SP110: variants seen among roughly 807,000 people sequenced by gnomAD.
The protein encoded by SP110 is interferon-induced protein 41, 30kD.
Under a neutral mutation model 92.7 loss-of-function variants are expected in SP110, and 62 were observed. The ratio of observed to expected loss-of-function variants is 0.67; its 90% CI spans 0.55 to 0.83. The LOEUF (loss-of-function observed/expected upper bound fraction) is 0.83. Among genes scored for constraint, SP110 ranks in the 40% least tolerant of loss-of-function variants. The probability of loss-of-function intolerance (pLI) is 0.00; values close to 1 mark genes in which losing one functional copy is unlikely to be tolerated. For synonymous variants in SP110, 273 were observed against 305.3 expected (o/e 0.89, Z 1.10); for missense variants, 793 against 863.9 (o/e 0.92, Z 1.03).
chr2:230,203,766 TTTG>T (rs1158506447), intron 8 of SP110: 5 of 152,242 alleles, frequency 3.3e-5, no homozygotes, highest in African/African-American at 1.2e-4. Flanking sequence ...TGTGTTTTGT[TTTG>T]TAAAAAATAA....
At chr2:230,172,301 G>T in intron 15 of SP110, 127 bp from the exon 16 acceptor site, 1 of 747,512 alleles carries the variant, frequency 1.3e-6, no homozygotes. Context: ...CTCCCAGAGT[G>T]TCCAAGATCC....
At chr2:230,188,657 C>T (rs1012420872) in intron 10 of SP110, among the ~76,000 whole-genome samples, 1 of 152,050 alleles carries the variant, frequency 6.6e-6, no homozygotes, top group Non-Finnish European at 1.5e-5. Context: ...TTGAGGTAAG[C>T]CCCTTCTATG....
chr2:230,205,820 G>A (rs900147560), intron 8 of SP110, among the ~76,000 whole-genome samples: 2 of 152,200 alleles, frequency 1.3e-5, no homozygotes, highest in Non-Finnish European at 2.9e-5. Flanking sequence ...ACAAACCTGA[G>A]TTGAAGACGT....
At chr2:230,179,905 G>T (rs1276866250) in intron 12 of SP110, among the ~76,000 whole-genome samples, 1 of 152,132 alleles carries the variant, frequency 6.6e-6, no homozygotes, top group South Asian at 2.1e-4. Context: ...ATCAAGTGAG[G>T]TGGGGCCTTT....
intron 10 of SP110, among the ~76,000 whole-genome samples, chr2:230,191,827 C>CA (rs1016615349): frequency 9.2e-4 from 139 of 150,652 alleles, no homozygotes; most frequent in Middle Eastern, 3.4e-3. Context: ...AGAGACACAA[C>CA]AAAAAAAAAG....
Position 230,208,002 on chromosome 2 carries a change from C to G in SP110, c.887G>C (p.Ser296Thr). Residue 296 changes from serine to threonine, a missense_variant, in exon 8 of 19, where the codon AGC becomes ACC. By Grantham distance (58) the Ser-to-Thr change is moderately conservative. Transcript: ENST00000258381. ...STPKRRHKKK[S>T]LPGGTASSRH... Reference sequence around the variant, plus strand: ...TACTCTCATCTTACCTCCTGGGAGGCTTTTTTTCTTATGTCTCCTTTTTGG... The same window carrying G: ...TACTCTCATCTTACCTCCTGGGAGGGTTTTTTTCTTATGTCTCCTTTTTGG... 1 of 1,551,030 alleles carries G rather than the reference C, an allele frequency of 6.4e-7. No individual in the cohort carries two copies. Among genetic ancestry groups the G allele is most frequent in the Non-Finnish European group, 8.9e-7 (1 of 1,125,776 alleles).
Position 230,212,913 on chromosome 2 carries a change from G to C in SP110, c.431C>G (p.Pro144Arg). The change falls in exon 4 of 19, where the codon CCC (proline) becomes CGC (arginine). Residue 144 changes from proline to arginine, a missense_variant. Pro to Arg is a moderately radical substitution (Grantham distance 103). Transcript: ENST00000258381. ...HTPLALPPPQ[P>R]PQPSCSPCAP... ...ACAGGGTGAACAGCTTGGTTGAGGGGGTTGTGGTGGGGGCAGCGCCAGTGG... is the reference window on the plus strand; with the variant it reads ...ACAGGGTGAACAGCTTGGTTGAGGGCGTTGTGGTGGGGGCAGCGCCAGTGG... 1 of 1,614,086 alleles carries C rather than the reference G, an allele frequency of 6.2e-7. No homozygotes were observed. Among genetic ancestry groups the C allele is most frequent in the Non-Finnish European group, 8.5e-7 (1 of 1,180,008 alleles).
At chr2:230,209,902 G>A (rs772765909) in intron 7 of SP110, 29 bp downstream of exon 7, 1 of 1,352,334 alleles carries the variant, frequency 7.4e-7, no homozygotes, top group African/African-American at 1.4e-5. Context: ...TCACCCTTCT[G>A]ACCTCTACAG....
intron 6 of SP110, among the ~76,000 whole-genome samples, chr2:230,210,909 G>A (rs1434768142): frequency 5.9e-5 from 9 of 152,210 alleles, no homozygotes; most frequent in African/African-American, 1.9e-4. Flanking sequence ...AGGGTTGAAA[G>A]TGAAAATTCC....
At chr2:230,206,595 T>TTA (rs56817002) in intron 8 of SP110, among the ~76,000 whole-genome samples, 2,923 of 69,546 alleles carry the variant, frequency 0.042, 160 homozygotes, top group Non-Finnish European at 0.055. Flanking sequence ...GGTCCAGATT[T>TTA]TATATATATA....
chr2:230,202,432 T>G, intron 9 of SP110, 147 bp downstream of exon 9: 1 of 726,922 alleles, frequency 1.4e-6, no homozygotes. Context: ...CTTGCTCTCT[T>G]TGTTCCTCTT....
chr2:230,165,945 G>C lies in SP110; in HGVS notation c.*3179C>G, dbSNP rs2078305597. On this transcript the variant is annotated 3_prime_UTR_variant, in exon 19 of 19. Coordinates refer to ENST00000258381, the MANE Select transcript of SP110 (RefSeq NM_080424.4). The stretch of plus-strand genomic sequence containing the variant: ...GTCTTACTCTGTTGCCCAGGCTGGA[G>C]TGCAGTGGTGGGATCTCGGCTCACT... Among the ~76,000 whole-genome samples the C allele has an allele frequency of 6.7e-6, 1 of 149,104 alleles. No homozygotes were observed. The highest frequency in any genetic ancestry group is 6.7e-5 in the Admixed American group (1 of 14,926).
chr2:230,165,342 G>A lies in SP110; in HGVS notation c.*3782C>T, dbSNP rs1394321151. On this transcript the variant is annotated 3_prime_UTR_variant, in exon 19 of 19. Coordinates refer to ENST00000258381, the MANE Select transcript of SP110 (RefSeq NM_080424.4). The stretch of plus-strand genomic sequence containing the variant: ...ACACTTCAGTTGACTGAAAGGCAGA[G>A]CAAAAAGGAAGTATGGAGAAGTCGT... Among the ~76,000 whole-genome samples, 2 of 152,150 alleles carry A rather than the reference G, an allele frequency of 1.3e-5. No individual in the cohort carries two copies. Among genetic ancestry groups the A allele is most frequent in the Non-Finnish European group, 1.5e-5 (1 of 68,022 alleles).
intron 10 of SP110, among the ~76,000 whole-genome samples, chr2:230,193,884 C>A (rs542166923): frequency 6.6e-6 from 1 of 152,236 alleles, no homozygotes; most frequent in South Asian, 2.1e-4. Context: ...TTGTTGGGAG[C>A]AAAGAGGAAT....
intron 10 of SP110, among the ~76,000 whole-genome samples, chr2:230,198,799 T>C (rs186756110): frequency 6.6e-6 from 1 of 152,158 alleles, no homozygotes; most frequent in Non-Finnish European, 1.5e-5. Context: ...GGTTTCACCA[T>C]GTTGGCCAGA....
At chr2:230,212,575 TG>T in intron 4 of SP110, 145 bp from the exon 5 acceptor site, 1 of 1,056,752 alleles carries the variant, frequency 9.5e-7, no homozygotes, top group Non-Finnish European at 1.5e-6. Flanking sequence ...GCAGGTGTTC[TG>T]GACTCTAGGT....
At position 230,172,452 on chromosome 2, in the gene SP110, T is replaced by C. The variant is rs1297323476; in HGVS notation, c.1707-278A>G. Reference sequence around the variant, plus strand: ...GCTGGGAGCACAAAGGAACCCTGCCTGCCAGGCTTGAGTGTCAGAATCTGG... The same window carrying C: ...GCTGGGAGCACAAAGGAACCCTGCCCGCCAGGCTTGAGTGTCAGAATCTGG... On this transcript the variant is annotated intron_variant, in intron 15 of 18. Coordinates refer to ENST00000258381, the MANE Select transcript of SP110 (RefSeq NM_080424.4). The C allele has an allele frequency of 5.4e-6, 3 of 555,968 alleles. No homozygotes were observed. The East Asian group carries it at 9.1e-5, about 17-fold the overall frequency. 34.4% of individuals were successfully genotyped at this position (555,968 alleles called of 1,614,324 possible). A position where few individuals can be genotyped will look rare whatever the true frequency, so the allele number is the denominator to read the frequency against.
At position 230,212,328 on chromosome 2, in the gene SP110, C is replaced by G. The variant is rs774239804; in HGVS notation, c.667+19G>C. On this transcript the variant is annotated intron_variant, in intron 5 of 18. Coordinates refer to ENST00000258381, the MANE Select transcript of SP110 (RefSeq NM_080424.4). Reference sequence around the variant, plus strand: ...ACAGTCACCTTGAGCTAAGCGGTATCAGCCCCAGTCAGTGTTACCTTGCAC... The same window carrying G: ...ACAGTCACCTTGAGCTAAGCGGTATGAGCCCCAGTCAGTGTTACCTTGCAC... 6.3e-7 allele frequency: 1 copy of G among 1,581,714 alleles called. No individual in the cohort carries two copies. The highest frequency in any genetic ancestry group is 8.7e-7 in the Non-Finnish European group (1 of 1,150,466).
At chr2:230,186,244 C>G in intron 10 of SP110, 101 bp from the exon 11 acceptor site, 1 of 1,148,874 alleles carries the variant, frequency 8.7e-7, no homozygotes, top group Non-Finnish European at 1.3e-6. Flanking sequence ...ATAATTCTCT[C>G]TTTTCTTGTG....
Sources: allele counts gnomAD v4.1 joint callset (sites outside exome capture counted in the v4.1 genomes callset), GRCh38; gene constraint gnomAD v4.1.1; transcripts MANE v1.5; gene names NCBI Gene and HGNC (gene_info 2026-07-23, HGNC 2026-07-21).